Variants in NPAS2 observed in about 807,000 individuals in gnomAD.
NPAS2 encodes the protein neuronal PAS domain protein 2.
NPAS2 carries 23 observed loss-of-function variants against 107.5 expected under a neutral mutation model. The ratio of observed to expected loss-of-function variants is 0.21; its 90% CI spans 0.15 to 0.30. NPAS2 has a LOEUF of 0.30. Among genes scored for constraint, NPAS2 ranks in the 10% least tolerant of loss-of-function variants. NPAS2 has a pLI of 1.00. For synonymous variants in NPAS2, 403 were observed against 417.5 expected, an observed-to-expected ratio of 0.97 and a Z score of 0.42; for missense variants, 756 against 1,043.3, an observed-to-expected ratio of 0.72 and a Z score of 3.79.
chr2:100,952,508 A>G (rs541869953), intron 7 of NPAS2, among the ~76,000 whole-genome samples: 224 of 152,222 alleles, frequency 1.5e-3, no homozygotes, highest in African/African-American at 5.0e-3. Flanking sequence ...AAGTTGCAGT[A>G]AGCCAAGATT....
At chr2:100,983,315 G>A (rs1210047206) in intron 16 of NPAS2, 3 of 152,412 alleles carry the variant, frequency 2.0e-5, no homozygotes, top group Non-Finnish European at 4.4e-5. Flanking sequence ...TGACAGGCGG[G>A]TTCTGTCGGG....
intron 2 of NPAS2, among the ~76,000 whole-genome samples, chr2:100,923,135 G>A (rs976947051): frequency 1.4e-4 from 21 of 152,284 alleles, no homozygotes; most frequent in Middle Eastern, 3.4e-3. Context: ...ACAAGACTCC[G>A]CAACATCTTG....
intron 15 of NPAS2, among the ~76,000 whole-genome samples, chr2:100,978,675 C>T (rs568927259): frequency 6.6e-6 from 1 of 152,352 alleles, no homozygotes; most frequent in African/African-American, 2.4e-5. Flanking sequence ...TCAGCCCTTG[C>T]TTTTAGTTCT....
chr2:100,925,551 G>A (rs1573634757), intron 3 of NPAS2, among the ~76,000 whole-genome samples: 1 of 152,178 alleles, frequency 6.6e-6, no homozygotes, highest in Admixed American at 6.5e-5. Context: ...GCACCCAGCC[G>A]AAGCAGCGTG....
intron 7 of NPAS2, among the ~76,000 whole-genome samples, chr2:100,961,192 G>A (rs2105132712): frequency 6.6e-6 from 1 of 152,120 alleles, no homozygotes; most frequent in East Asian, 1.9e-4. Context: ...AACTACCTTG[G>A]GATACAAAGT....
At chr2:100,869,103 A>C (rs1573504217) in intron 1 of NPAS2, among the ~76,000 whole-genome samples, 2 of 147,184 alleles carry the variant, frequency 1.4e-5, no homozygotes, top group African/African-American at 5.0e-5. Context: ...TAATTTTTGT[A>C]TTTTTTTTTT....
At position 100,842,045 on chromosome 2, in the gene NPAS2, GCACATGCATGTTCATGCA is replaced by G. The variant is rs559292915; in HGVS notation, c.-23+21632_-23+21649del. Among the ~76,000 whole-genome samples, 226 of 150,410 alleles carry G rather than the reference GCACATGCATGTTCATGCA, an allele frequency of 1.5e-3. 1 individual carries two copies. The highest frequency in any genetic ancestry group is 5.4e-3 in the African/African-American group (221 of 41,102). The stretch of plus-strand genomic sequence containing the variant: ...GCATGTATGCACACCATATACATGT[GCACATGCATGTTCATGCA>G]TGAGTGTGCATGTACGCGCACACAC... On this transcript the variant is annotated intron_variant, in intron 1 of 20. Transcript: ENST00000335681.
chr2:100,963,789 G>A (rs1340765059), intron 7 of NPAS2, among the ~76,000 whole-genome samples: 8 of 152,216 alleles, frequency 5.3e-5, no homozygotes, highest in Non-Finnish European at 1.0e-4. Flanking sequence ...AGGCAGTGCT[G>A]AATGCTGGTG....
intron 4 of NPAS2, among the ~76,000 whole-genome samples, chr2:100,936,827 C>T (rs1018829988): frequency 6.6e-6 from 1 of 151,684 alleles, no homozygotes; most frequent in Non-Finnish European, 1.5e-5. Flanking sequence ...ACTAAAAATA[C>T]AAAAATTAGC....
Position 100,968,164 on chromosome 2 carries a change from C to A in NPAS2, c.908-117C>A, listed in dbSNP as rs1676340662. 2 of 1,096,026 alleles carry A rather than the reference C, an allele frequency of 1.8e-6. No individual in the cohort carries two copies. The highest frequency in any genetic ancestry group is 2.7e-6 in the Non-Finnish European group (2 of 749,872). The allele number at this position is 1,096,026 out of a possible 1,614,324, so 67.9% of individuals were successfully genotyped here. On this transcript the variant is annotated intron_variant, in intron 10 of 20. Transcript: ENST00000335681. The surrounding 1 kb of genome is among the most constrained non-coding windows in gnomAD (Gnocchi z 5.3). ...TTAAAATACAGGGCAACCGGGGAAA[C>A]AAGCCATGTTTGGTATTGTCTTTTT...
intron 1 of NPAS2, among the ~76,000 whole-genome samples, chr2:100,842,307 C>G (rs1441922672): frequency 6.6e-6 from 1 of 152,172 alleles, no homozygotes; most frequent in Admixed American, 6.5e-5. Flanking sequence ...CATCCCATCT[C>G]CAAGGAGCTA....
At chr2:100,935,921 C>T (rs1049342395) in intron 4 of NPAS2, among the ~76,000 whole-genome samples, 6 of 152,140 alleles carry the variant, frequency 3.9e-5, no homozygotes, top group South Asian at 2.1e-4. Flanking sequence ...GGTAGTTCTT[C>T]GTTGTGGGGA....
intron 1 of NPAS2, among the ~76,000 whole-genome samples, chr2:100,886,705 G>A (rs1245388174): frequency 1.3e-5 from 2 of 152,160 alleles, no homozygotes; most frequent in African/African-American, 4.8e-5. Flanking sequence ...CACGTTATGC[G>A]AGAGTCCTTG....
intron 10 of NPAS2, among the ~76,000 whole-genome samples, chr2:100,967,390 C>T (rs1676287165): frequency 2.0e-5 from 3 of 151,746 alleles, no homozygotes; most frequent in African/African-American, 7.3e-5. Context: ...CCACACCCGG[C>T]TAATTTTTTG....
intron 1 of NPAS2, 66 bp from the exon 2 acceptor site, chr2:100,904,667 T>C: frequency 5.8e-6 from 7 of 1,213,458 alleles, no homozygotes; most frequent in Non-Finnish European, 8.2e-6. Flanking sequence ...TGAAAGACTT[T>C]TAAGAAAGAT....
intron 4 of NPAS2, among the ~76,000 whole-genome samples, chr2:100,933,627 A>G (rs561406130): frequency 6.6e-5 from 10 of 152,282 alleles, no homozygotes; most frequent in Admixed American, 3.3e-4. Flanking sequence ...GGCTGATCTA[A>G]ATGAGTCCCT....
rs578138105 is a variant in NPAS2 at position 100,913,411 on chromosome 2, A to G, written c.32+8625A>G. On this transcript the variant is annotated intron_variant, in intron 2 of 20. Coordinates refer to ENST00000335681, the MANE Select transcript of NPAS2 (RefSeq NM_002518.4). ...CTATATTCCCCCATCAGGATGCCCTATTTACTCAGTTAACAGAACTAGACT... is the reference window on the plus strand; with the variant it reads ...CTATATTCCCCCATCAGGATGCCCTGTTTACTCAGTTAACAGAACTAGACT... Among the ~76,000 whole-genome samples the G allele has an allele frequency of 4.5e-4, 68 of 152,254 alleles. No homozygotes were observed. In the South Asian group the frequency reaches 0.012, roughly 26 times the overall value.
At chr2:100,850,690 T>C (rs1405618179) in intron 1 of NPAS2, among the ~76,000 whole-genome samples, 1 of 152,080 alleles carries the variant, frequency 6.6e-6, no homozygotes, top group Non-Finnish European at 1.5e-5. Context: ...CGGTGGCTCA[T>C]GCCTGTAATC....
At position 100,829,396 on chromosome 2, in the gene NPAS2, G is replaced by A. The variant is rs921226126; in HGVS notation, c.-23+8982G>A. 4.6e-5 allele frequency among the ~76,000 whole-genome samples: 7 copies of A among 152,096 alleles called. No individual in the cohort carries two copies. In the South Asian group the frequency reaches 1.0e-3, roughly 23 times the overall value. On this transcript the variant is annotated intron_variant, in intron 1 of 20. Coordinates refer to ENST00000335681, the MANE Select transcript of NPAS2 (RefSeq NM_002518.4). ...TCGAACTCCTGACCTCAAGTGATCC[G>A]CCCGCCTGATCCCAGCACTTTGGAA...
Sources: gnomAD v4.1 joint callset for allele counts (sites outside exome capture counted in the v4.1 genomes callset) on GRCh38, gnomAD v4.1.1 for gene constraint, Gnocchi (gnomAD v3.1) non-coding constraint, MANE v1.5 for transcripts, NCBI Gene and HGNC (gene_info 2026-07-23, HGNC 2026-07-21) for gene names.